Variants in KRT79 observed in about 807,000 individuals in gnomAD.
KRT79 encodes the protein keratin 79.
In KRT79, 51 loss-of-function variants were observed where a neutral mutation model predicts 49.0. The observed-to-expected ratio is 1.04, with a 90% CI of 0.83 to 1.31. KRT79 has a LOEUF of 1.31. KRT79 is among the 40% of genes most tolerant of loss of function. KRT79 has a pLI of 0.00. For missense variants in KRT79, 728 were observed against 688.0 expected (o/e 1.06, Z -0.65); for synonymous variants, 312 against 286.6 (o/e 1.09, Z -0.90).
rs1254226592 is a variant in KRT79, at chr12:52,821,728, A to T, written c.*144T>A. The T allele has an allele frequency of 2.8e-6, 2 of 706,810 alleles. No homozygotes were observed. Among genetic ancestry groups the T allele is most frequent in the African/African-American group, 3.5e-5 (2 of 56,354 alleles). The allele number at this position is 706,810 out of a possible 1,614,324, so 43.8% of individuals were successfully genotyped here. A position where few individuals can be genotyped will look rare whatever the true frequency, so the allele number is the denominator to read the frequency against. Reference sequence around the variant, plus strand: ...CCTGAGTAGATTTGAGCGCTTCCCAAGATGCAAATAGTCTGGTATGAAAAT... The same window carrying T: ...CCTGAGTAGATTTGAGCGCTTCCCATGATGCAAATAGTCTGGTATGAAAAT... On this transcript the variant is annotated 3_prime_UTR_variant, in exon 9 of 9. Transcript: ENST00000330553.
intron 1 of KRT79, 62 bp downstream of exon 1, chr12:52,833,722 C>G: frequency 7.3e-7 from 1 of 1,365,568 alleles, no homozygotes; most frequent in South Asian, 1.2e-5. Flanking sequence ...GCCCAGCCCA[C>G]CCTCTATTAG....
intron 7 of KRT79, among the ~76,000 whole-genome samples, chr12:52,822,802 G>A (rs932829052): frequency 6.6e-6 from 1 of 152,086 alleles, no homozygotes; most frequent in Non-Finnish European, 1.5e-5. Context: ...CATTCCTACC[G>A]GGCTGTCAGC....
intron 4 of KRT79, among the ~76,000 whole-genome samples, chr12:52,825,801 A>G (rs1460332201): frequency 6.6e-6 from 1 of 152,138 alleles, no homozygotes; most frequent in Non-Finnish European, 1.5e-5. Context: ...CCAGCCTAAC[A>G]CGCACTGGCT....
intron 4 of KRT79, among the ~76,000 whole-genome samples, chr12:52,826,319 G>T (rs1940175176): frequency 6.6e-6 from 1 of 152,058 alleles, no homozygotes; most frequent in East Asian, 1.9e-4. Flanking sequence ...TTCAAGGCTA[G>T]CCTGGGGAAA....
chr12:52,830,002 C>T, intron 4 of KRT79, 21 bp downstream of exon 4: 1 of 1,608,408 alleles, frequency 6.2e-7, no homozygotes, highest in Non-Finnish European at 8.5e-7. Context: ...GCAAACTCTC[C>T]CTGCCCATTG....
chr12:52,822,476 G>A, intron 7 of KRT79, 97 bp from the exon 8 acceptor site: 1 of 786,552 alleles, frequency 1.3e-6, no homozygotes, highest in Non-Finnish European at 2.0e-6. Flanking sequence ...GATCCACTCA[G>A]TGAATCCTGA....
In KRT79 at chr12:52,834,024, G is replaced by A. The variant is rs1940297993; in HGVS notation, c.237C>T (p.Ala79=). The A allele has an allele frequency of 1.2e-6, 2 of 1,613,126 alleles. No homozygotes were observed. The highest frequency in any genetic ancestry group is 1.7e-6 in the Non-Finnish European group (2 of 1,179,578). ...AGCCCCCCAGAGCCCGCCCCAACAA[G>A]GCCCCTCCGGCCACACTGACAGAGA... ...KSISVSVAGG[A]LLGRALGGFG... is the part of the protein sequence containing the mutation. Residue 79 remains alanine, a synonymous_variant, in exon 1 of 9, where the codon GCC becomes GCT. Transcript: ENST00000330553.
rs754471832 is a variant in KRT79, at chr12:52,823,191, C to T, written c.1192G>A (p.Glu398Lys). The change falls in exon 7 of 9, where the codon GAG (glutamate) becomes AAG (lysine). Residue 398 changes from glutamate (E) to lysine (K), a missense_variant. Physicochemically the swap from Glu to Lys is moderately conservative, Grantham distance 56. Transcript: ENST00000330553. ...TTCTGAGCATCCTTGAGTGCCAGCT[C>T]CCCACGCTGCTCCGCTTCCGCAATG... ...TAIAEAEQRG[E>K]LALKDAQKKL... The T allele has an allele frequency of 9.9e-6, 16 of 1,614,206 alleles. No individual in the cohort carries two copies. Among genetic ancestry groups the T allele is most frequent in the Non-Finnish European group, 1.4e-5 (16 of 1,180,024 alleles).
chr12:52,822,640 C>A (rs1014421992), intron 7 of KRT79, among the ~76,000 whole-genome samples: 1 of 152,224 alleles, frequency 6.6e-6, no homozygotes, highest in Admixed American at 6.5e-5. Context: ...CGGACAGCAT[C>A]CCTGCCCCAA....
intron 2 of KRT79, among the ~76,000 whole-genome samples, chr12:52,831,202 C>A (rs571482539): frequency 6.6e-6 from 1 of 152,334 alleles, no homozygotes; most frequent in South Asian, 2.1e-4. Context: ...ATTCCCCCTA[C>A]TTTAAAAACT....
At chr12:52,828,794 T>C (rs1167413200) in intron 4 of KRT79, among the ~76,000 whole-genome samples, 2 of 152,226 alleles carry the variant, frequency 1.3e-5, no homozygotes, top group Non-Finnish European at 2.9e-5. Flanking sequence ...AGTTTGTATC[T>C]GGAACCTCCC....
At chr12:52,823,406 G>A (rs953805942) in intron 6 of KRT79, among the ~76,000 whole-genome samples, 170 bp from the exon 7 acceptor site, 1 of 152,220 alleles carries the variant, frequency 6.6e-6, no homozygotes, top group African/African-American at 2.4e-5. Context: ...GCAGGATCAA[G>A]TAAGGCCACT....
chr12:52,833,670 T>C (rs1292283166), intron 1 of KRT79, 114 bp downstream of exon 1: 2 of 880,294 alleles, frequency 2.3e-6, no homozygotes, highest in East Asian at 4.8e-5. Context: ...TCCAGAGCTC[T>C]ATCAACCACC....
rs1940233290 is a variant in KRT79, at chr12:52,830,252, C to A, written c.739G>T (p.Glu247Ter). Residue 247 changes from glutamate to a stop codon, truncating the protein, a stop_gained, in exon 3 of 9, where the codon GAG becomes TAG. Transcript: ENST00000330553. LOFTEE classifies it high-confidence loss of function. ...EINKHTAAENEFVVLKKDVDA... is the reference protein window; with the variant it reads ...EINKHTAAEN ...CTCACCTTCTTGAGCACCACAAACT[C>A]GTTCTCTGCAGCAGTGTGCTTGTTG... is the stretch of plus-strand genomic sequence containing the variant. 2 of 1,614,098 alleles carry A rather than the reference C, an allele frequency of 1.2e-6. No homozygotes were observed. The highest frequency in any genetic ancestry group is 4.5e-5 in the East Asian group (2 of 44,888).
chr12:52,824,632 C>T (rs554248315), intron 4 of KRT79, among the ~76,000 whole-genome samples: 1 of 152,308 alleles, frequency 6.6e-6, no homozygotes. Context: ...GTACTCTCTG[C>T]ACTAACACTG....
chr12:52,824,375 A>C lies in KRT79; in HGVS notation c.856-13T>G. On this transcript the variant is annotated splice_polypyrimidine_tract_variant and intron_variant, in intron 4 of 8. Coordinates refer to ENST00000330553, the MANE Select transcript of KRT79 (RefSeq NM_175834.3). ...CTTGGCTCAGCTCCTGAAGAATCAG[A>C]GACAGCTGCCACCAGCACCCCTGCT... 6.2e-7 allele frequency: 1 copy of C among 1,612,226 alleles called. No individual in the cohort carries two copies. The highest frequency in any genetic ancestry group is 8.5e-7 in the Non-Finnish European group (1 of 1,178,672).
Position 52,822,358 on chromosome 12 carries a change from A to C in KRT79, c.1389T>G (p.Ser463Arg), listed in dbSNP as rs369833888. The C allele has an allele frequency of 1.9e-6, 3 of 1,604,208 alleles. No homozygotes were observed. Among genetic ancestry groups the C allele is most frequent in the Non-Finnish European group, 2.6e-6 (3 of 1,174,758 alleles). ...GTAAATACTCACAAATGCTGACTGC[A>C]CTGGGACATTCTCCAGACATCCTAG... ...EESRMSGECP[S>R]AVSISVTGNS... is the part of the protein sequence containing the mutation. Residue 463 changes from serine (S) to arginine (R), a missense_variant, in exon 8 of 9, where the codon AGT becomes AGG. Coordinates refer to ENST00000330553, the MANE Select transcript of KRT79 (RefSeq NM_175834.3).
intron 4 of KRT79, among the ~76,000 whole-genome samples, chr12:52,826,384 G>A (rs2121280762): frequency 6.6e-6 from 1 of 151,938 alleles, no homozygotes; most frequent in Non-Finnish European, 1.5e-5. Context: ...ATGGTGACGT[G>A]CGCCTGTAAT....
intron 5 of KRT79, 60 bp from the exon 6 acceptor site, chr12:52,824,072 G>A: frequency 6.2e-7 from 1 of 1,613,382 alleles, no homozygotes; most frequent in Non-Finnish European, 8.5e-7. Context: ...CTCACAGCTG[G>A]AGGCCCCATG....
Sources: allele counts gnomAD v4.1 joint callset (sites outside exome capture counted in the v4.1 genomes callset), GRCh38; gene constraint gnomAD v4.1.1; transcripts MANE v1.5; gene names NCBI Gene and HGNC (gene_info 2026-07-23, HGNC 2026-07-21).